The following SLC30A5 variants were observed in gnomAD, a reference collection of about 807,000 sequenced individuals.
SLC30A5 encodes the protein solute carrier family 30 member 5.
In SLC30A5, 33 loss-of-function variants were observed where a neutral mutation model predicts 79.6. The ratio of observed to expected loss-of-function variants is 0.41; its 90% CI spans 0.31 to 0.55. The LOEUF is 0.55. Ranked by LOEUF, SLC30A5 falls within the 20% of genes least tolerant of loss-of-function variation. The probability of loss-of-function intolerance (pLI) is 0.20; values close to 1 mark genes in which losing one functional copy is unlikely to be tolerated. For missense variants in SLC30A5, 788 were observed against 928.1 expected, an observed-to-expected ratio of 0.85 and a Z score of 1.96; for synonymous variants, 299 against 319.7, an observed-to-expected ratio of 0.94 and a Z score of 0.69.
At chr5:69,118,911 G>A (rs145663495) in intron 12 of SLC30A5, among the ~76,000 whole-genome samples, 4,593 of 148,072 alleles carry the variant, frequency 0.031, 217 homozygotes, top group African/African-American at 0.11. Context: ...AGCGATTCTC[G>A]TGCCTCAGCC....
chr5:69,126,574 A>G lies in SLC30A5; in HGVS notation c.1999-1430A>G, dbSNP rs564476383. On this transcript the variant is annotated intron_variant, in intron 14 of 15. Coordinates refer to ENST00000396591, the MANE Select transcript of SLC30A5 (RefSeq NM_022902.5). ...TCAGGAGTTTGAGACCAGCCTGGTC[A>G]ATATGGTGAAACCCCATCTCTACTA... Among the ~76,000 whole-genome samples the G allele has an allele frequency of 1.5e-4, 23 of 152,292 alleles. No homozygotes were observed. The East Asian group carries it at 4.3e-3, about 28-fold the overall frequency.
intron 12 of SLC30A5, among the ~76,000 whole-genome samples, chr5:69,119,992 C>T (rs1175576995): frequency 7.1e-6 from 1 of 141,648 alleles, no homozygotes; most frequent in Non-Finnish European, 1.5e-5. Flanking sequence ...TGTACTCCAG[C>T]CTGGGTGATA....
intron 14 of SLC30A5, among the ~76,000 whole-genome samples, chr5:69,126,861 A>C (rs1273885910): frequency 7.9e-6 from 1 of 126,520 alleles, no homozygotes; most frequent in Non-Finnish European, 1.8e-5. Context: ...CAAAATATAG[A>C]AAAGTGCAAA....
At chr5:69,102,073 T>TTTTTTG (rs1491246527) in intron 2 of SLC30A5, among the ~76,000 whole-genome samples, 9 of 122,100 alleles carry the variant, frequency 7.4e-5, no homozygotes, top group African/African-American at 2.4e-4. Context: ...TTTTTTTTTT[T>TTTTTTG]GAGACAGTCT....
intron 2 of SLC30A5, among the ~76,000 whole-genome samples, chr5:69,101,976 CA>C (rs1379339330): frequency 2.7e-5 from 4 of 149,364 alleles, no homozygotes; most frequent in African/African-American, 9.8e-5. Context: ...ACAAAAACAA[CA>C]CTCTTCGAAG....
In SLC30A5 at chr5:69,113,356, A is replaced by G. The variant is rs147964177; in HGVS notation, c.535+129A>G. On this transcript the variant is annotated intron_variant, in intron 6 of 15. Coordinates refer to ENST00000396591, the MANE Select transcript of SLC30A5 (RefSeq NM_022902.5). Reference sequence around the variant, plus strand: ...GAATGAAACTTTCATAGATTAATGTAGATATTCTAAATCAGTATTCAAATA... The same window carrying G: ...GAATGAAACTTTCATAGATTAATGTGGATATTCTAAATCAGTATTCAAATA... 746 of 623,350 alleles carry G rather than the reference A, an allele frequency of 1.2e-3. 1 individual carries two copies. Among genetic ancestry groups the G allele is most frequent in the Non-Finnish European group, 1.7e-3 (628 of 371,592 alleles). The allele number at this position is 623,350 out of a possible 1,614,324, so 38.6% of individuals were successfully genotyped here. A position where few individuals can be genotyped will look rare whatever the true frequency, so the allele number is the denominator to read the frequency against.
At chr5:69,105,763 G>A (rs887850059) in intron 4 of SLC30A5, among the ~76,000 whole-genome samples, 2 of 152,210 alleles carry the variant, frequency 1.3e-5, no homozygotes, top group Non-Finnish European at 2.9e-5. Flanking sequence ...CAGGAGGTGA[G>A]CCACGGGGGA....
rs376384073 is a variant in SLC30A5 at position 69,110,324 on chromosome 5, G to A, written c.447+1888G>A. Among the ~76,000 whole-genome samples, 197 of 152,236 alleles carry A rather than the reference G, an allele frequency of 1.3e-3. 1 individual carries two copies. Among genetic ancestry groups the A allele is most frequent in the South Asian group, 4.6e-3 (22 of 4,820 alleles). On this transcript the variant is annotated intron_variant, in intron 5 of 15. Coordinates refer to ENST00000396591, the MANE Select transcript of SLC30A5 (RefSeq NM_022902.5). ...GCATTTTCCTAGACATAAAGGAAAG[G>A]ATAGATAAAGACAAATAAGGTATAA...
At chr5:69,097,845 C>T (rs932268251) in intron 1 of SLC30A5, among the ~76,000 whole-genome samples, 7 of 152,062 alleles carry the variant, frequency 4.6e-5, no homozygotes, top group Non-Finnish European at 8.8e-5. Flanking sequence ...GGCCTGGATT[C>T]TTTGATTTTT....
intron 15 of SLC30A5, among the ~76,000 whole-genome samples, 157 bp from the exon 16 acceptor site, chr5:69,129,290 T>A (rs1269348520): frequency 6.6e-6 from 1 of 152,202 alleles, no homozygotes; most frequent in Non-Finnish European, 1.5e-5. Flanking sequence ...TTTAACACCA[T>A]CTTGGCACTC....
intron 5 of SLC30A5, among the ~76,000 whole-genome samples, chr5:69,112,872 G>C (rs1224899653): frequency 6.6e-6 from 1 of 152,068 alleles, no homozygotes; most frequent in Non-Finnish European, 1.5e-5. Flanking sequence ...TCTGTAAACA[G>C]TACCAATTTG....
At chr5:69,100,067 CA>C (rs1745864874) in intron 1 of SLC30A5, among the ~76,000 whole-genome samples, 1 of 152,108 alleles carries the variant, frequency 6.6e-6, no homozygotes, top group African/African-American at 2.4e-5. Context: ...CTCCCGGGTT[CA>C]AGCGATTCTC....
intron 14 of SLC30A5, among the ~76,000 whole-genome samples, chr5:69,126,019 C>T (rs927911340): frequency 6.6e-6 from 1 of 151,944 alleles, no homozygotes; most frequent in Non-Finnish European, 1.5e-5. Context: ...CACTGTACTC[C>T]AGCCTGGGCA....
In SLC30A5 at chr5:69,115,324, G is replaced by A; in HGVS notation, c.700G>A (p.Ala234Thr). The stretch of plus-strand genomic sequence containing the variant: ...AAAGCTCTCTGTCGACGTTGGTGGA[G>A]CTAAACGTCTTCAAGCTTTATCTCA... ...SRKLSVDVGG[A>T]KRLQALSHLV... Residue 234 changes from alanine (A) to threonine (T), a missense_variant, in exon 8 of 16, where the codon GCT becomes ACT. Physicochemically the swap from Ala to Thr is moderately conservative, Grantham distance 58 (BLOSUM62 0). Around this residue, in one of 3 missense-constraint regions of SLC30A5, gnomAD observed 626 missense variants for 755.5 expected, o/e 0.83. Transcript: ENST00000396591. 6.2e-7 allele frequency: 1 copy of A among 1,613,888 alleles called. No homozygotes were observed. The highest frequency in any genetic ancestry group is 1.3e-5 in the African/African-American group (1 of 74,984).
chr5:69,127,522 C>T (rs337251), intron 14 of SLC30A5, among the ~76,000 whole-genome samples: 97,879 of 150,834 alleles, frequency 0.65, 32,060 homozygotes, highest in East Asian at 0.87. Context: ...GGCGTGCACC[C>T]GTAGTCAGCT....
At position 69,108,407 on chromosome 5, in the gene SLC30A5, T is replaced by G. The variant is rs759514927; in HGVS notation, c.418T>G (p.Phe140Val). The G allele has an allele frequency of 1.2e-6, 2 of 1,613,904 alleles. No homozygotes were observed. Among genetic ancestry groups the G allele is most frequent in the Admixed American group, 1.7e-5 (1 of 60,018 alleles). ...IVVISLLSVL[F>V]TSSGGGPAKT... is the part of the protein sequence containing the mutation. ...TGTCATTTCACTACTCAGTGTTTTG[T>G]TCACCAGTTCTGGAGGAGGACCAGC... is the stretch of plus-strand genomic sequence containing the variant. The change falls in exon 5 of 16, where the codon TTC (phenylalanine) becomes GTC (valine). Residue 140 changes from phenylalanine (F) to valine (V), a missense_variant. Phe to Val is a conservative substitution (Grantham distance 50, BLOSUM62 -1). Around this residue, in one of 3 missense-constraint regions of SLC30A5, gnomAD observed 626 missense variants for 755.5 expected, o/e 0.83. Transcript: ENST00000396591.
In SLC30A5 at chr5:69,129,730, C is replaced by T; in HGVS notation, c.*113C>T. 3.5e-6 allele frequency: 3 copies of T among 862,176 alleles called. No individual in the cohort carries two copies. Among genetic ancestry groups the T allele is most frequent in the Non-Finnish European group, 3.4e-6 (2 of 594,262 alleles). The allele number at this position is 862,176 out of a possible 1,614,324, so 53.4% of individuals were successfully genotyped here. A position where few individuals can be genotyped will look rare whatever the true frequency, so the allele number is the denominator to read the frequency against. On this transcript the variant is annotated 3_prime_UTR_variant, in exon 16 of 16. Transcript: ENST00000396591. ...CATTAACTGTACAGAAACAGAGTTC[C>T]CTACTACTGGATCAAGGAATCTTTC...
intron 14 of SLC30A5, among the ~76,000 whole-genome samples, chr5:69,124,942 G>A (rs542648222): frequency 6.6e-6 from 1 of 152,314 alleles, no homozygotes; most frequent in South Asian, 2.1e-4. Context: ...GCCAAAAAGG[G>A]AGGATAAAAT....
intron 4 of SLC30A5, among the ~76,000 whole-genome samples, chr5:69,107,858 G>A (rs1305838459): frequency 6.6e-6 from 1 of 151,424 alleles, no homozygotes; most frequent in African/African-American, 2.4e-5. Flanking sequence ...TCAGCCTCCC[G>A]AGTAGCTGGG....
Sources: gnomAD v4.1 joint callset for allele counts (sites outside exome capture counted in the v4.1 genomes callset) on GRCh38, gnomAD v4.1.1 for gene constraint, gnomAD v4.1.1 regional missense constraint, MANE v1.5 for transcripts, NCBI Gene and HGNC (gene_info 2026-07-23, HGNC 2026-07-21) for gene names.